CD163: variants seen among roughly 807,000 people sequenced by gnomAD.
The protein encoded by CD163 is scavenger receptor cysteine-rich type 1 protein M130.
CD163 carries 64 observed loss-of-function variants against 129.2 expected under a neutral mutation model. The ratio of observed to expected loss-of-function variants is 0.50; its 90% CI spans 0.41 to 0.61. CD163 has a LOEUF of 0.61. Ranked by LOEUF, CD163 falls within the 20% of genes least tolerant of loss-of-function variation. The pLI, the probability that CD163 is intolerant of heterozygous loss-of-function variation, is 0.00. For synonymous variants in CD163, 446 were observed against 478.5 expected, an observed-to-expected ratio of 0.93 and a Z score of 0.89; for missense variants, 1,061 against 1,377.9, an observed-to-expected ratio of 0.77 and a Z score of 3.64.
chr12:7,500,038 A>G (rs1565409408), intron 3 of CD163, among the ~76,000 whole-genome samples: 1 of 152,176 alleles, frequency 6.6e-6, no homozygotes. Flanking sequence ...TTCTCTTATC[A>G]CATCATGATG....
chr12:7,503,319 G>A (rs1949519290), intron 1 of CD163, among the ~76,000 whole-genome samples: 2 of 152,104 alleles, frequency 1.3e-5, no homozygotes, highest in African/African-American at 4.8e-5. Flanking sequence ...CTTTCTTTAT[G>A]TAATTAACTC....
intron 6 of CD163, among the ~76,000 whole-genome samples, chr12:7,490,205 G>T (rs1342142256): frequency 6.6e-6 from 1 of 151,940 alleles, no homozygotes; most frequent in African/African-American, 2.4e-5. Context: ...ATCTAAACTG[G>T]ATCTTGAAAA....
At chr12:7,502,384 T>C in intron 2 of CD163, 94 bp downstream of exon 2, 1 of 789,128 alleles carries the variant, frequency 1.3e-6, no homozygotes, top group South Asian at 1.4e-5. Context: ...ACCTAGTTTT[T>C]AGATGCTACT....
In CD163 at chr12:7,483,024, G is replaced by A. The variant is rs775307357; in HGVS notation, c.3089-20C>T. 5.1e-5 allele frequency: 82 copies of A among 1,611,778 alleles called. No individual in the cohort carries two copies. Among genetic ancestry groups the A allele is most frequent in the Non-Finnish European group, 6.7e-5 (79 of 1,178,854 alleles). On this transcript the variant is annotated intron_variant, in intron 12 of 16. Transcript: ENST00000432237. ...AAATATCTGTAGGAGAAAAGAAAGA[G>A]AGAGGGTTAATTCTTTGCATGATAT...
intron 13 of CD163, 49 bp from the exon 14 acceptor site, chr12:7,482,811 A>C: frequency 6.2e-7 from 1 of 1,607,286 alleles, no homozygotes; most frequent in Non-Finnish European, 8.5e-7. Flanking sequence ...TATCGAAAAG[A>C]TCAAGGTCCC....
chr12:7,474,526 A>G (rs1382833941), intron 16 of CD163, among the ~76,000 whole-genome samples: 1 of 152,204 alleles, frequency 6.6e-6, no homozygotes, highest in African/African-American at 2.4e-5. Flanking sequence ...CTTTGAAACC[A>G]ATGAGAATAA....
intron 10 of CD163, 144 bp downstream of exon 10, chr12:7,486,355 A>G: frequency 1.3e-6 from 1 of 756,178 alleles, no homozygotes; most frequent in South Asian, 1.9e-5. Flanking sequence ...AGCACATCAA[A>G]CCCAGACTTC....
chr12:7,483,148 T>A (rs2076860229), intron 12 of CD163, 144 bp from the exon 13 acceptor site: 2 of 887,380 alleles, frequency 2.3e-6, no homozygotes, highest in Non-Finnish European at 3.5e-6. Flanking sequence ...CTAGTCTTTC[T>A]TTCTCTGCAC....
At chr12:7,478,191 T>A (rs1949114436) in intron 16 of CD163, among the ~76,000 whole-genome samples, 2 of 152,108 alleles carry the variant, frequency 1.3e-5, no homozygotes, top group South Asian at 4.1e-4. Flanking sequence ...GTGACTTTAT[T>A]GGTAAGAAGA....
intron 6 of CD163, among the ~76,000 whole-genome samples, chr12:7,490,493 T>G (rs569632115): frequency 1.4e-3 from 217 of 152,156 alleles, no homozygotes; most frequent in African/African-American, 4.6e-3. Flanking sequence ...TTTTAACTTG[T>G]TCTTTAAGAG....
At chr12:7,499,705 G>T (rs1022029075) in intron 3 of CD163, among the ~76,000 whole-genome samples, 4 of 152,096 alleles carry the variant, frequency 2.6e-5, no homozygotes, top group Admixed American at 2.0e-4. Flanking sequence ...TTTAAACTTT[G>T]CAGTAGATGT....
chr12:7,486,632 C>A lies in CD163; in HGVS notation c.2325G>T (p.Gly775=). 6.2e-7 allele frequency: 1 copy of A among 1,614,138 alleles called. No homozygotes were observed. Among genetic ancestry groups the A allele is most frequent in the Non-Finnish European group, 8.5e-7 (1 of 1,180,034 alleles). ...AINATGSAHF[G]EGTGPIWLDE... ...CCAGCCAGATGGGCCCTGTTCCTTC[C>A]CCAAAATGAGCAGAACCAGTGGCAT... The change falls in exon 10 of 17, where the codon GGG becomes GGT. Residue 775 remains glycine, a synonymous_variant. Transcript: ENST00000432237.
chr12:7,493,570 T>C (rs1296072175), intron 6 of CD163, among the ~76,000 whole-genome samples: 2 of 152,194 alleles, frequency 1.3e-5, no homozygotes, highest in South Asian at 2.1e-4. Context: ...CTCTTTTAGA[T>C]ACAGCAGAAC....
chr12:7,500,960 T>C (rs1459418398), intron 3 of CD163, among the ~76,000 whole-genome samples, 179 bp downstream of exon 3: 1 of 151,948 alleles, frequency 6.6e-6, no homozygotes, highest in Non-Finnish European at 1.5e-5. Context: ...GTGTTCAGAA[T>C]TTTTTTTATT....
At chr12:7,503,575 A>T in intron 1 of CD163, 70 bp downstream of exon 1, 1 of 1,026,246 alleles carries the variant, frequency 9.7e-7, no homozygotes, top group Non-Finnish European at 1.5e-6. Context: ...TTTAAATCAC[A>T]TCCATTGACT....
intron 3 of CD163, 58 bp from the exon 4 acceptor site, chr12:7,499,246 A>G: frequency 6.8e-7 from 1 of 1,465,084 alleles, no homozygotes; most frequent in Non-Finnish European, 9.2e-7. Flanking sequence ...GTGATTTTAG[A>G]AAAGAAGTTT....
rs867128232 is a variant in CD163, at chr12:7,482,741, G to A, written c.3149C>T (p.Ser1050Phe). ...CCCAAGGATCCCGACTGCAATAAAG[G>A]ATGACTGACGGGATGAGCGACCTAA... The part of the protein sequence containing the change: ...ATTGRSSRQS[S>F]FIAVGILGVV... The change falls in exon 14 of 17, where the codon TCC (serine) becomes TTC (phenylalanine). Residue 1050 changes from serine (S) to phenylalanine (F), a missense_variant. Transcript: ENST00000432237. 6.2e-7 allele frequency: 1 copy of A among 1,613,980 alleles called. No individual in the cohort carries two copies. Among genetic ancestry groups the A allele is most frequent in the African/African-American group, 1.3e-5 (1 of 74,922 alleles).
intron 1 of CD163, among the ~76,000 whole-genome samples, chr12:7,502,910 C>A (rs1949514464): frequency 6.6e-6 from 1 of 152,146 alleles, no homozygotes; most frequent in Admixed American, 6.6e-5. Flanking sequence ...GGGAAGGTAT[C>A]CTGAGATTTC....
chr12:7,488,701 A>T (rs971665762), intron 6 of CD163, among the ~76,000 whole-genome samples: 1 of 152,190 alleles, frequency 6.6e-6, no homozygotes, highest in Admixed American at 6.5e-5. Flanking sequence ...ACATGTCTCA[A>T]CTGCTAATAA....
Sources: allele counts gnomAD v4.1 joint callset (sites outside exome capture counted in the v4.1 genomes callset), GRCh38; gene constraint gnomAD v4.1.1; transcripts MANE v1.5; gene names NCBI Gene and HGNC (gene_info 2026-07-23, HGNC 2026-07-21).